The following CCDC60 variants were observed in gnomAD, a reference collection of about 807,000 sequenced individuals.
CCDC60 encodes the protein coiled-coil domain containing 60.
Under a neutral mutation model 63.5 loss-of-function variants are expected in CCDC60, and 54 were observed. The observed-to-expected ratio is 0.85, with a 90% CI of 0.68 to 1.07. CCDC60 has a LOEUF of 1.07. Among genes scored for constraint, CCDC60 ranks in the 50% least tolerant of loss-of-function variants. The pLI, the probability that CCDC60 is intolerant of heterozygous loss-of-function variation, is 0.00. For synonymous variants in CCDC60, 206 were observed against 238.8 expected (o/e 0.86, Z 1.27); for missense variants, 651 against 684.3 (o/e 0.95, Z 0.54).
chr12:119,422,849 C>G (rs1042758635), intron 1 of CCDC60, among the ~76,000 whole-genome samples: 1 of 151,816 alleles, frequency 6.6e-6, no homozygotes, highest in African/African-American at 2.4e-5. Flanking sequence ...ACGGTTTTTG[C>G]CATTTTAATG....
intron 11 of CCDC60, 88 bp from the exon 12 acceptor site, chr12:119,528,527 T>G: frequency 7.2e-7 from 1 of 1,397,694 alleles, no homozygotes; most frequent in Non-Finnish European, 9.7e-7. Flanking sequence ...AAGGAAAAGG[T>G]GTTTAAGTCA....
At chr12:119,379,903 T>G (rs965108856) in intron 1 of CCDC60, among the ~76,000 whole-genome samples, 1 of 152,134 alleles carries the variant, frequency 6.6e-6, no homozygotes, top group African/African-American at 2.4e-5. Flanking sequence ...AGATGTTAAT[T>G]AAATATAGAT....
chr12:119,352,726 C>G (rs1206096897), intron 1 of CCDC60, among the ~76,000 whole-genome samples: 1 of 152,088 alleles, frequency 6.6e-6, no homozygotes, highest in Non-Finnish European at 1.5e-5. Flanking sequence ...CACTGAAGGT[C>G]AGGAATTCGA....
At chr12:119,450,729 G>A (rs930920235) in intron 2 of CCDC60, among the ~76,000 whole-genome samples, 5 of 152,044 alleles carry the variant, frequency 3.3e-5, no homozygotes, top group African/African-American at 4.8e-5. Flanking sequence ...TTGGTGGTGC[G>A]TGCCTGTAGT....
At chr12:119,340,267 G>T (rs1209383830) in intron 1 of CCDC60, among the ~76,000 whole-genome samples, 2 of 152,116 alleles carry the variant, frequency 1.3e-5, no homozygotes, top group Non-Finnish European at 2.9e-5. Flanking sequence ...ACTTAATGTG[G>T]GTAATGCTGT....
At chr12:119,501,414 G>C (rs977250420) in intron 6 of CCDC60, among the ~76,000 whole-genome samples, 1 of 152,162 alleles carries the variant, frequency 6.6e-6, no homozygotes, top group Non-Finnish European at 1.5e-5. Flanking sequence ...CTTACGTAAG[G>C]TTACCCAGCT....
At chr12:119,360,076 G>A (rs1216387880) in intron 1 of CCDC60, among the ~76,000 whole-genome samples, 2 of 152,032 alleles carry the variant, frequency 1.3e-5, no homozygotes, top group Admixed American at 1.3e-4. Flanking sequence ...GTGGTGGCCG[G>A]GCAGAGGGGC....
chr12:119,430,615 C>A (rs899535804), intron 2 of CCDC60, among the ~76,000 whole-genome samples: 3 of 146,698 alleles, frequency 2.0e-5, no homozygotes, highest in African/African-American at 7.6e-5. Flanking sequence ...TGCTTTGAGC[C>A]GAGATCATGC....
intron 1 of CCDC60, among the ~76,000 whole-genome samples, chr12:119,398,410 C>T (rs1390537240): frequency 2.0e-5 from 3 of 152,142 alleles, no homozygotes; most frequent in South Asian, 2.1e-4. Flanking sequence ...GGTTCCCACC[C>T]GTGCCTCTCC....
intron 2 of CCDC60, among the ~76,000 whole-genome samples, chr12:119,459,986 G>C (rs746579357): frequency 6.6e-6 from 1 of 152,192 alleles, no homozygotes; most frequent in East Asian, 1.9e-4. Context: ...TGTGCAGTGG[G>C]TAAGATGAAC....
chr12:119,514,749 G>A (rs1277316552), intron 7 of CCDC60, among the ~76,000 whole-genome samples: 1 of 152,046 alleles, frequency 6.6e-6, no homozygotes, highest in Non-Finnish European at 1.5e-5. Context: ...AGTGTACAGT[G>A]TTTATAAAGT....
At chr12:119,444,606 G>A (rs916930742) in intron 2 of CCDC60, among the ~76,000 whole-genome samples, 2 of 152,052 alleles carry the variant, frequency 1.3e-5, no homozygotes, top group African/African-American at 4.8e-5. Context: ...ACAGAAAGTT[G>A]GCGCTGTGTC....
chr12:119,346,878 G>A (rs576409596), intron 1 of CCDC60, among the ~76,000 whole-genome samples: 9 of 149,616 alleles, frequency 6.0e-5, no homozygotes, highest in Middle Eastern at 3.5e-3. Context: ...AGGCTGGAGA[G>A]CAATGGCGTG....
chr12:119,505,398 A>G (rs2136430686), intron 7 of CCDC60, 95 bp downstream of exon 7: 1 of 771,078 alleles, frequency 1.3e-6, no homozygotes. Flanking sequence ...ACCTCCACTC[A>G]TTTAAAGGTG....
chr12:119,392,719 G>A (rs774493051), intron 1 of CCDC60, among the ~76,000 whole-genome samples: 2 of 152,224 alleles, frequency 1.3e-5, no homozygotes, highest in Non-Finnish European at 2.9e-5. Flanking sequence ...AGCCATGCTA[G>A]TTGATGCTCA....
intron 7 of CCDC60, among the ~76,000 whole-genome samples, chr12:119,514,468 C>T (rs997803400): frequency 7.9e-5 from 12 of 151,832 alleles, no homozygotes; most frequent in Middle Eastern, 3.4e-3. Context: ...GGATTACAGG[C>T]ATGAGCCACC....
intron 9 of CCDC60, among the ~76,000 whole-genome samples, chr12:119,520,938 A>C (rs1952508979): frequency 6.6e-6 from 1 of 152,176 alleles, no homozygotes; most frequent in Admixed American, 6.5e-5. Flanking sequence ...GCCTGCCCTC[A>C]TGGATCTCTG....
intron 1 of CCDC60, among the ~76,000 whole-genome samples, chr12:119,398,484 C>T (rs538322034): frequency 6.6e-6 from 1 of 152,332 alleles, no homozygotes; most frequent in Admixed American, 6.5e-5. Flanking sequence ...AGAGGGGCTC[C>T]CACAGTGCAG....
intron 1 of CCDC60, among the ~76,000 whole-genome samples, chr12:119,400,739 T>C (rs1414656220): frequency 6.6e-6 from 1 of 152,234 alleles, no homozygotes; most frequent in Non-Finnish European, 1.5e-5. Context: ...ATGATGCTGC[T>C]GGCATTGGTT....
Sources: gnomAD v4.1 joint callset for allele counts (sites outside exome capture counted in the v4.1 genomes callset) on GRCh38, gnomAD v4.1.1 for gene constraint, MANE v1.5 for transcripts, NCBI Gene and HGNC (gene_info 2026-07-23, HGNC 2026-07-21) for gene names.